Variants in NID1 observed in about 807,000 individuals in gnomAD.
The protein encoded by NID1 is nidogen-1.
In NID1, 76 loss-of-function variants were observed where a neutral mutation model predicts 130.6. That is an observed-to-expected ratio of 0.58 (90% CI 0.48 to 0.70). The LOEUF (loss-of-function observed/expected upper bound fraction) is 0.70. NID1 is among the 30% of genes least tolerant of loss of function. The probability of loss-of-function intolerance (pLI) is 0.00; values close to 1 mark genes in which losing one functional copy is unlikely to be tolerated. For missense variants in NID1, 1,517 were observed against 1,664.8 expected (o/e 0.91, Z 1.54); for synonymous variants, 665 against 675.1 (o/e 0.98, Z 0.23).
chr1:236,038,774 T>C (rs1659342867), intron 4 of NID1, among the ~76,000 whole-genome samples: 2 of 122,686 alleles, frequency 1.6e-5, no homozygotes, highest in Admixed American at 8.6e-5. Flanking sequence ...ATATAATATA[T>C]ATTACCTATG....
chr1:235,979,627 G>T lies in NID1; in HGVS notation c.3509+195C>A, dbSNP rs573423877. The stretch of plus-strand genomic sequence containing the variant: ...GGCACCTCCTGTCCCCTAGGGCCTT[G>T]TCCTCCCTCCTTCTTCATGCTCCTC... On this transcript the variant is annotated intron_variant, in intron 18 of 19. Coordinates refer to ENST00000264187, the MANE Select transcript of NID1 (RefSeq NM_002508.3). This position sits in a 1 kb window ranked among gnomAD's most constrained non-coding sequence, Gnocchi z 4.6. 1.3e-5 allele frequency among the ~76,000 whole-genome samples: 2 copies of T among 152,252 alleles called. No individual in the cohort carries two copies. The highest frequency in any genetic ancestry group is 4.8e-5 in the African/African-American group (2 of 41,550).
chr1:236,032,771 G>A lies in NID1; in HGVS notation c.1286-119C>T, dbSNP rs1659138301. The A allele has an allele frequency of 3.0e-6, 4 of 1,340,854 alleles. No homozygotes were observed. The South Asian group carries it at 6.0e-5, about 20-fold the overall frequency. 83.1% of individuals were successfully genotyped at this position (1,340,854 alleles called of 1,614,324 possible). A position where few individuals can be genotyped will look rare whatever the true frequency, so the allele number is the denominator to read the frequency against. ...AAAGCAAAGAAACAAAACAGCACTG[G>A]GGTCAATGGCTTTGGGTAAGCAAAA... On this transcript the variant is annotated intron_variant, in intron 5 of 19. Coordinates refer to ENST00000264187, the MANE Select transcript of NID1 (RefSeq NM_002508.3).
At chr1:236,034,283 A>C (rs910308537) in intron 5 of NID1, among the ~76,000 whole-genome samples, 2 of 152,028 alleles carry the variant, frequency 1.3e-5, no homozygotes, top group African/African-American at 2.4e-5. Context: ...TTAGCTAGGC[A>C]TGGTGGCGGT....
At chr1:235,986,709 G>A (rs140989540) in intron 14 of NID1, among the ~76,000 whole-genome samples, 1 of 152,080 alleles carries the variant, frequency 6.6e-6, no homozygotes, top group African/African-American at 2.4e-5. Context: ...TGATCCAGCC[G>A]CCTGGGCCTC....
chr1:235,993,682 C>T lies in NID1; in HGVS notation c.2718G>A (p.Val906=). 6.3e-7 allele frequency: 1 copy of T among 1,582,298 alleles called. No homozygotes were observed. The highest frequency in any genetic ancestry group is 1.7e-5 in the Admixed American group (1 of 57,348). ...CWCVDRDGRE[V]EGTRTRPGMT... Reference sequence around the variant, plus strand: ...TCCCGGGCCTGGTCCTGGTGCCCTCCACCTCGCGGCCGTCGCGATCCACGC... The same window carrying T: ...TCCCGGGCCTGGTCCTGGTGCCCTCTACCTCGCGGCCGTCGCGATCCACGC... Residue 906 remains valine, a synonymous_variant, in exon 13 of 20, where the codon GTG becomes GTA. Coordinates refer to ENST00000264187, the MANE Select transcript of NID1 (RefSeq NM_002508.3).
At chr1:236,033,509 G>C (rs1447942786) in intron 5 of NID1, among the ~76,000 whole-genome samples, 1 of 152,154 alleles carries the variant, frequency 6.6e-6, no homozygotes, top group Non-Finnish European at 1.5e-5. Context: ...GCCAGCACAA[G>C]CCACACAGAC....
chr1:236,045,206 CAAAAAA>C (rs201261106), intron 3 of NID1, among the ~76,000 whole-genome samples: 35 of 89,716 alleles, frequency 3.9e-4, no homozygotes, highest in African/African-American at 1.3e-3. Flanking sequence ...GGCTCTGTCT[CAAAAAA>C]AAAAAAAAAA....
At chr1:235,989,197 C>T (rs1160619986) in intron 14 of NID1, among the ~76,000 whole-genome samples, 1 of 150,306 alleles carries the variant, frequency 6.7e-6, no homozygotes, top group East Asian at 2.0e-4. Flanking sequence ...GCTGGGATTA[C>T]AGGAACGCAC....
chr1:235,987,976 G>A (rs12036381), intron 14 of NID1, among the ~76,000 whole-genome samples: 35,438 of 151,968 alleles, frequency 0.23, 4,909 homozygotes, highest in East Asian at 0.62. Context: ...CATGACATTG[G>A]ATTTGGCGAC....
At chr1:236,004,001 C>A (rs1658162464) in intron 12 of NID1, among the ~76,000 whole-genome samples, 1 of 147,960 alleles carries the variant, frequency 6.8e-6, no homozygotes, top group Non-Finnish European at 1.5e-5. Context: ...CCACTGCACT[C>A]CAGCCTGAAT....
At chr1:236,045,749 G>T in intron 2 of NID1, 66 bp from the exon 3 acceptor site, 2 of 1,256,860 alleles carry the variant, frequency 1.6e-6, no homozygotes, top group Non-Finnish European at 2.3e-6. Context: ...TGTGTTATTC[G>T]CCAGACTATC....
In NID1 at chr1:235,979,991, G is replaced by A. The variant is rs1474786099; in HGVS notation, c.3386-46C>T. On this transcript the variant is annotated intron_variant, in intron 17 of 19. Transcript: ENST00000264187. The surrounding 1 kb of genome is among the most constrained non-coding windows in gnomAD (Gnocchi z 4.6). ...TCATTCATTGTTCACACAAGAAATG[G>A]CCCCTTTGTGCAAAAAAAACAAGAG... 3 of 1,595,008 alleles carry A rather than the reference G, an allele frequency of 1.9e-6. No individual in the cohort carries two copies. In the Admixed American group the frequency reaches 5.1e-5, roughly 27 times the overall value.
At position 236,044,558 on chromosome 1, in the gene NID1, TCCTCTGC is replaced by T. The variant is rs1312458213; in HGVS notation, c.752+892_752+898del. On this transcript the variant is annotated intron_variant, in intron 3 of 19. Coordinates refer to ENST00000264187, the MANE Select transcript of NID1 (RefSeq NM_002508.3). ...AACAGGCAAACGCTATAAATCAGGT[TCCTCTGC>T]CCTCATAAAACCAGTTGTTAAGCAT... 7.2e-5 allele frequency among the ~76,000 whole-genome samples: 11 copies of T among 152,266 alleles called. No individual in the cohort carries two copies. The East Asian group carries it at 2.1e-3, about 29-fold the overall frequency.
chr1:236,060,098 CAAAAAAA>C (rs773686621), intron 1 of NID1, among the ~76,000 whole-genome samples: 1 of 50,978 alleles, frequency 2.0e-5, no homozygotes. Context: ...GACTCAGTCT[CAAAAAAA>C]AAAAAAAAAA....
At chr1:236,021,968 A>G (rs1658778254) in intron 9 of NID1, among the ~76,000 whole-genome samples, 1 of 152,200 alleles carries the variant, frequency 6.6e-6, no homozygotes, top group African/African-American at 2.4e-5. Flanking sequence ...TTCAAATACT[A>G]TATTTGTCAC....
intron 12 of NID1, among the ~76,000 whole-genome samples, chr1:236,003,378 G>T (rs1658143661): frequency 6.6e-6 from 1 of 152,198 alleles, no homozygotes; most frequent in Non-Finnish European, 1.5e-5. Context: ...TATGCTACTA[G>T]TTAGTTGGAT....
chr1:236,010,679 C>A (rs1307396044), intron 12 of NID1, among the ~76,000 whole-genome samples: 2 of 152,188 alleles, frequency 1.3e-5, no homozygotes, highest in Non-Finnish European at 2.9e-5. Context: ...ACGAAAGCAG[C>A]CATAGACTAT....
At chr1:236,013,285 C>G (rs1279188124) in intron 11 of NID1, 126 bp downstream of exon 11, 2 of 1,035,122 alleles carry the variant, frequency 1.9e-6, no homozygotes, top group African/African-American at 3.2e-5. Context: ...AACACATTTA[C>G]TCTGTGGAGA....
At chr1:236,012,578 A>AAGGAAG in intron 11 of NID1, among the ~76,000 whole-genome samples, 1 of 99,554 alleles carries the variant, frequency 1.0e-5, no homozygotes, top group Admixed American at 1.2e-4. Flanking sequence ...AAAAAAAAAA[A>AAGGAAG]AAAGAAAGAA....
Sources: allele counts gnomAD v4.1 joint callset (sites outside exome capture counted in the v4.1 genomes callset), GRCh38; gene constraint gnomAD v4.1.1; non-coding constraint Gnocchi (gnomAD v3.1); transcripts MANE v1.5; gene names NCBI Gene and HGNC (gene_info 2026-07-23, HGNC 2026-07-21).